The following SPOCK1 variants were observed in gnomAD, a reference collection of about 807,000 sequenced individuals.
The protein encoded by SPOCK1 is SPARC (osteonectin), cwcv and kazal like domains proteoglycan 1.
In SPOCK1, 23 loss-of-function variants were observed where a neutral mutation model predicts 55.3. That is an observed-to-expected ratio of 0.42 (90% confidence interval 0.30 to 0.59). The LOEUF is 0.59. Ranked by LOEUF, SPOCK1 falls within the 20% of genes least tolerant of loss-of-function variation. SPOCK1 has a pLI of 0.22. For synonymous variants in SPOCK1, 226 were observed against 221.0 expected, an observed-to-expected ratio of 1.02 and a Z score of -0.20; for missense variants, 499 against 552.5, an observed-to-expected ratio of 0.90 and a Z score of 0.97.
intron 2 of SPOCK1, among the ~76,000 whole-genome samples, chr5:137,351,381 T>C (rs1750675620): frequency 6.6e-6 from 1 of 152,224 alleles, no homozygotes; most frequent in Admixed American, 6.5e-5. Flanking sequence ...CATCTACAGC[T>C]GATTAGCGGG....
intron 3 of SPOCK1, among the ~76,000 whole-genome samples, chr5:137,243,384 T>A (rs933118470): frequency 5.9e-5 from 9 of 152,238 alleles, no homozygotes; most frequent in African/African-American, 2.2e-4. Flanking sequence ...TCTATTTTTA[T>A]GTGTTTTCAG....
At chr5:137,366,067 G>C (rs1026943860) in intron 2 of SPOCK1, among the ~76,000 whole-genome samples, 5 of 152,142 alleles carry the variant, frequency 3.3e-5, no homozygotes, top group African/African-American at 1.2e-4. Context: ...CAGGGACAGG[G>C]GACAGGTTCC....
In SPOCK1 at chr5:137,265,376, T is replaced by A. The variant is rs80058508; in HGVS notation, c.232+1634A>T. Among the ~76,000 whole-genome samples, 1,472 of 152,306 alleles carry A rather than the reference T, an allele frequency of 9.7e-3. 26 individuals carry two copies. Among genetic ancestry groups the A allele is most frequent in the African/African-American group, 0.033 (1,391 of 41,552 alleles). On this transcript the variant is annotated intron_variant, in intron 3 of 10. Transcript: ENST00000394945. ...AGCACAAGAACCTATTTCTAGTTCTTAGCTAAAAAGAATCAGTTCACAGTG... is the reference window on the plus strand; with the variant it reads ...AGCACAAGAACCTATTTCTAGTTCTAAGCTAAAAAGAATCAGTTCACAGTG...
rs185978215 is a variant in SPOCK1, at chr5:137,185,571, A to G, written c.233-44877T>C. Reference sequence around the variant, plus strand: ...TTTAATACCTGACAGCTTTGTAGCCATCACTTTTCCATCTAGGGCCTTCTG... The same window carrying G: ...TTTAATACCTGACAGCTTTGTAGCCGTCACTTTTCCATCTAGGGCCTTCTG... On this transcript the variant is annotated intron_variant, in intron 3 of 10. Transcript: ENST00000394945. Among the ~76,000 whole-genome samples the G allele has an allele frequency of 5.9e-5, 9 of 152,364 alleles. No individual in the cohort carries two copies. In the East Asian group the frequency reaches 1.7e-3, roughly 29 times the overall value.
At chr5:137,470,305 A>C (rs1283789678) in intron 2 of SPOCK1, among the ~76,000 whole-genome samples, 1 of 152,222 alleles carries the variant, frequency 6.6e-6, no homozygotes, top group Admixed American at 6.5e-5. Context: ...GATCAAGAAA[A>C]ATTTAAAGAG....
chr5:137,170,981 T>C (rs1195907861), intron 3 of SPOCK1, among the ~76,000 whole-genome samples: 4 of 152,126 alleles, frequency 2.6e-5, no homozygotes, highest in Admixed American at 2.0e-4. Context: ...TGTGAGACTA[T>C]GCCCACAGTT....
At chr5:137,350,045 G>A (rs902391114) in intron 2 of SPOCK1, among the ~76,000 whole-genome samples, 1 of 152,164 alleles carries the variant, frequency 6.6e-6, no homozygotes, top group African/African-American at 2.4e-5. Context: ...GCTAAGATCA[G>A]AAGAAAAATT....
At chr5:137,196,149 C>T (rs2127073231) in intron 3 of SPOCK1, among the ~76,000 whole-genome samples, 1 of 152,282 alleles carries the variant, frequency 6.6e-6, no homozygotes, top group Admixed American at 6.5e-5. Context: ...TCTGACACCC[C>T]TCACCTATTC....
intron 3 of SPOCK1, among the ~76,000 whole-genome samples, chr5:137,223,018 C>T (rs1205381873): frequency 6.6e-6 from 1 of 151,922 alleles, no homozygotes; most frequent in East Asian, 1.9e-4. Flanking sequence ...ACTGTTGAGA[C>T]ACGCTGATCT....
chr5:137,413,852 G>A (rs553311598), intron 2 of SPOCK1, among the ~76,000 whole-genome samples: 25 of 152,256 alleles, frequency 1.6e-4, no homozygotes, highest in Non-Finnish European at 2.9e-4. Flanking sequence ...CAACTAGTTT[G>A]TCTATCACAA....
intron 2 of SPOCK1, among the ~76,000 whole-genome samples, chr5:137,338,353 CT>C (rs1305469197): frequency 2.0e-5 from 3 of 152,044 alleles, no homozygotes; most frequent in African/African-American, 7.2e-5. Flanking sequence ...GGAACTCATC[CT>C]TTTTTATGGC....
rs1756971696 is a variant in SPOCK1, at chr5:137,271,855, G to GAAACCGATCA, written c.187-4801_187-4800insTGATCGGTTT. ...ACATTTAGTTCTCATGAAACCGATC[G>GAAACCGATCA]TTTCTCCTTCATACATATTTTAGCT... On this transcript the variant is annotated intron_variant, in intron 2 of 10. Transcript: ENST00000394945. Among the ~76,000 whole-genome samples the GAAACCGATCA allele has an allele frequency of 7.2e-5, 11 of 152,170 alleles. No individual in the cohort carries two copies. The South Asian group carries it at 2.3e-3, about 32-fold the overall frequency.
intron 2 of SPOCK1, among the ~76,000 whole-genome samples, chr5:137,299,240 T>A (rs1757542773): frequency 6.6e-6 from 1 of 152,074 alleles, no homozygotes; most frequent in South Asian, 2.1e-4. Context: ...ACACAATCAT[T>A]CTATTTATCC....
At chr5:136,998,515 C>A (rs545199723) in intron 6 of SPOCK1, among the ~76,000 whole-genome samples, 41 of 152,332 alleles carry the variant, frequency 2.7e-4, no homozygotes, top group African/African-American at 8.9e-4. Context: ...ACGTGCAGGA[C>A]TTACTTCCTG....
At chr5:137,252,486 T>A (rs976666146) in intron 3 of SPOCK1, among the ~76,000 whole-genome samples, 1 of 152,208 alleles carries the variant, frequency 6.6e-6, no homozygotes, top group African/African-American at 2.4e-5. Context: ...TCCTACAGCA[T>A]GAGTTACTTA....
chr5:137,305,840 C>T (rs1757693260), intron 2 of SPOCK1, among the ~76,000 whole-genome samples: 1 of 152,204 alleles, frequency 6.6e-6, no homozygotes, highest in African/African-American at 2.4e-5. Flanking sequence ...ATGCTCTTTC[C>T]AAGATCTCGG....
At chr5:137,330,034 G>C (rs1183871035) in intron 2 of SPOCK1, among the ~76,000 whole-genome samples, 1 of 152,144 alleles carries the variant, frequency 6.6e-6, no homozygotes, top group Admixed American at 6.5e-5. Flanking sequence ...AAGCAGACCT[G>C]AGACCTCACT....
intron 2 of SPOCK1, among the ~76,000 whole-genome samples, chr5:137,421,599 A>C (rs1001207306): frequency 6.6e-6 from 1 of 152,108 alleles, no homozygotes; most frequent in Non-Finnish European, 1.5e-5. Context: ...AGTCTGTTTT[A>C]TCAGAGACTA....
At chr5:137,077,137 G>A (rs1366634912) in intron 5 of SPOCK1, among the ~76,000 whole-genome samples, 2 of 152,190 alleles carry the variant, frequency 1.3e-5, no homozygotes, top group African/African-American at 4.8e-5. Flanking sequence ...TGTTAGCCAG[G>A]ATGGTCTCGA....
Sources: allele counts gnomAD v4.1 joint callset (sites outside exome capture counted in the v4.1 genomes callset), GRCh38; gene constraint gnomAD v4.1.1; transcripts MANE v1.5; gene names NCBI Gene and HGNC (gene_info 2026-07-23, HGNC 2026-07-21).